CDH19: variants seen among roughly 807,000 people sequenced by gnomAD.
CDH19 encodes the protein cadherin 19.
In CDH19, 67 loss-of-function variants were observed where a neutral mutation model predicts 64.2. The ratio of observed to expected loss-of-function variants is 1.04; its 90% confidence interval spans 0.86 to 1.28. CDH19 has a LOEUF of 1.28. CDH19 is among the 50% of genes most tolerant of loss of function. The pLI is 0.00. For missense variants in CDH19, 1,030 were observed against 929.0 expected (o/e 1.11, Z -1.41); for synonymous variants, 346 against 319.3 (o/e 1.08, Z -0.89).
chr18:66,523,504 A>G (rs1986081676), intron 9 of CDH19, among the ~76,000 whole-genome samples: 1 of 151,942 alleles, frequency 6.6e-6, no homozygotes, highest in Admixed American at 6.5e-5. Context: ...TTCTTCAGGA[A>G]AGAAGAAACA....
At chr18:66,549,569 G>A (rs1330782170) in intron 5 of CDH19, among the ~76,000 whole-genome samples, 1 of 152,022 alleles carries the variant, frequency 6.6e-6, no homozygotes, top group African/African-American at 2.4e-5. Context: ...TGCAGACTCT[G>A]ACCCCTTTGC....
chr18:66,575,854 C>CA, intron 1 of CDH19, among the ~76,000 whole-genome samples: 1 of 151,424 alleles, frequency 6.6e-6, no homozygotes, highest in East Asian at 1.9e-4. Context: ...GCTGTTAAAG[C>CA]AAAAATAATA....
intron 9 of CDH19, among the ~76,000 whole-genome samples, chr18:66,518,131 G>T (rs1985818341): frequency 1.3e-5 from 2 of 152,084 alleles, no homozygotes; most frequent in East Asian, 3.9e-4. Context: ...ATTATCGATT[G>T]AGGACTATAA....
intron 1 of CDH19, among the ~76,000 whole-genome samples, chr18:66,598,893 T>C (rs1296272033): frequency 1.3e-5 from 2 of 152,090 alleles, no homozygotes; most frequent in Non-Finnish European, 2.9e-5. Context: ...AAATGGAAAG[T>C]ACACTTCAAA....
chr18:66,601,449 T>G (rs1315251882), intron 1 of CDH19, among the ~76,000 whole-genome samples: 2 of 151,954 alleles, frequency 1.3e-5, no homozygotes, highest in Non-Finnish European at 1.5e-5. Context: ...ATCATGAAAC[T>G]TCTTAGAATT....
At chr18:66,587,648 A>G (rs1214062887) in intron 1 of CDH19, among the ~76,000 whole-genome samples, 1 of 152,134 alleles carries the variant, frequency 6.6e-6, no homozygotes, top group African/African-American at 2.4e-5. Context: ...TGAAAGGCCT[A>G]TGAATAATTG....
chr18:66,545,948 C>CTTTT (rs11450520), intron 5 of CDH19, among the ~76,000 whole-genome samples: 1 of 149,878 alleles, frequency 6.7e-6, no homozygotes, highest in Non-Finnish European at 1.5e-5. Context: ...TTGCTGGGCA[C>CTTTT]TTTTTTTTTT....
Position 66,544,115 on chromosome 18 carries a change from A to C in CDH19, c.1070T>G (p.Ile357Ser). Reference protein sequence around the residue: ...KYHTEASTTFIKIQVEDVDEP... With the variant: ...KYHTEASTTFSKIQVEDVDEP... ...ATCAACATCTTCCACCTGGATCTTA[A>C]TGAAAGTGGTGGAAGCCTCAGTGTG... The change falls in exon 7 of 12, where the codon ATT becomes AGT. Residue 357 changes from isoleucine to serine, a missense_variant. Coordinates refer to ENST00000262150, the MANE Select transcript of CDH19 (RefSeq NM_021153.4). The C allele has an allele frequency of 6.2e-7, 1 of 1,614,020 alleles. No individual in the cohort carries two copies. Among genetic ancestry groups the C allele is most frequent in the Non-Finnish European group, 8.5e-7 (1 of 1,179,948 alleles).
chr18:66,598,704 G>A (rs36083970), intron 1 of CDH19, among the ~76,000 whole-genome samples: 51,085 of 151,814 alleles, frequency 0.34, 10,022 homozygotes, highest in Non-Finnish European at 0.45. Context: ...AGGAGAGGGC[G>A]AGAATCAAAA....
chr18:66,590,740 A>C (rs2144626462), intron 1 of CDH19, among the ~76,000 whole-genome samples: 1 of 152,144 alleles, frequency 6.6e-6, no homozygotes, highest in African/African-American at 2.4e-5. Context: ...TTGAAATGCA[A>C]AAGAATGAAG....
chr18:66,552,756 C>T (rs1987390020), intron 4 of CDH19, among the ~76,000 whole-genome samples: 1 of 134,618 alleles, frequency 7.4e-6, no homozygotes, highest in South Asian at 2.4e-4. Context: ...AATAGTTTAG[C>T]TAACCTGCTC....
chr18:66,538,574 A>G (rs1045788519), intron 7 of CDH19, among the ~76,000 whole-genome samples: 12 of 152,132 alleles, frequency 7.9e-5, no homozygotes, highest in Admixed American at 6.6e-4. Context: ...GAGATCATGT[A>G]TAAAGCTGCC....
In CDH19 at chr18:66,505,054, C is replaced by A. The variant is rs1985118187; in HGVS notation, c.2077G>T (p.Ala693Ser). ...RQSLQVGPDS[A>S]IFRKFILEKL... ...TCCAGAATGAATTTCCTGAATATGG[C>A]ACTGTCGGGGCCAACTTGCAAAGAC... Residue 693 changes from alanine to serine, a missense_variant, in exon 12 of 12, where the codon GCC becomes TCC. Physicochemically the swap from Ala to Ser is moderately conservative, Grantham distance 99. Transcript: ENST00000262150. 8 of 1,613,706 alleles carry A rather than the reference C, an allele frequency of 5.0e-6. No homozygotes were observed. Among genetic ancestry groups the A allele is most frequent in the Non-Finnish European group, 6.8e-6 (8 of 1,179,766 alleles).
At chr18:66,539,204 A>G (rs1399223307) in intron 7 of CDH19, among the ~76,000 whole-genome samples, 1 of 152,146 alleles carries the variant, frequency 6.6e-6, no homozygotes, top group Non-Finnish European at 1.5e-5. Context: ...CTAGGCAATA[A>G]TCAAGTCATC....
At chr18:66,597,162 T>TAAAAAA (rs71169160) in intron 1 of CDH19, among the ~76,000 whole-genome samples, 1 of 86,294 alleles carries the variant, frequency 1.2e-5, no homozygotes, top group Non-Finnish European at 2.5e-5. Context: ...AATCTTAAGT[T>TAAAAAA]AAAAAAAAAA....
At chr18:66,523,258 A>G (rs1425331169) in intron 9 of CDH19, among the ~76,000 whole-genome samples, 1 of 152,146 alleles carries the variant, frequency 6.6e-6, no homozygotes, top group Non-Finnish European at 1.5e-5. Flanking sequence ...CCACATGATC[A>G]TTTGAAACGA....
At chr18:66,577,422 T>C (rs943806180) in intron 1 of CDH19, among the ~76,000 whole-genome samples, 5 of 151,924 alleles carry the variant, frequency 3.3e-5, no homozygotes, top group Middle Eastern at 3.2e-3. Flanking sequence ...CAAATACACC[T>C]ACATTTATGT....
intron 3 of CDH19, among the ~76,000 whole-genome samples, chr18:66,565,069 C>T (rs906364044): frequency 2.0e-5 from 3 of 151,872 alleles, no homozygotes; most frequent in African/African-American, 7.2e-5. Flanking sequence ...CATGTACTCA[C>T]TCATTTATTT....
chr18:66,603,078 T>C (rs1989076785), intron 1 of CDH19, among the ~76,000 whole-genome samples: 1 of 150,944 alleles, frequency 6.6e-6, no homozygotes, highest in African/African-American at 2.4e-5. Flanking sequence ...ACAAATGAAT[T>C]AATAGAGCTA....
Sources: gnomAD v4.1 joint callset for allele counts (sites outside exome capture counted in the v4.1 genomes callset) on GRCh38, gnomAD v4.1.1 for gene constraint, MANE v1.5 for transcripts, NCBI Gene and HGNC (gene_info 2026-07-23, HGNC 2026-07-21) for gene names.